OPCML: variants seen among roughly 807,000 people sequenced by gnomAD.
OPCML encodes opioid binding protein/cell adhesion molecule like.
Under a neutral mutation model 37.8 loss-of-function variants are expected in OPCML, and 13 were observed. The ratio of observed to expected loss-of-function variants is 0.34; its 90% confidence interval spans 0.22 to 0.55. The LOEUF (loss-of-function observed/expected upper bound fraction) is 0.55. OPCML is among the 20% of genes least tolerant of loss of function. OPCML has a pLI of 0.91. For missense variants in OPCML, 341 were observed against 435.6 expected (o/e 0.78, Z 1.93); for synonymous variants, 176 against 168.8 (o/e 1.04, Z -0.33).
chr11:133,169,711 CA>C (rs1298004061), intron 1 of OPCML, among the ~76,000 whole-genome samples: 3 of 152,092 alleles, frequency 2.0e-5, no homozygotes, highest in Non-Finnish European at 4.4e-5. Flanking sequence ...AGTGGAGCAA[CA>C]AATTATCCCC....
chr11:133,331,296 T>C (rs990851996), intron 1 of OPCML, among the ~76,000 whole-genome samples: 2 of 152,178 alleles, frequency 1.3e-5, no homozygotes, highest in Middle Eastern at 3.2e-3. Flanking sequence ...ACTTGACCCA[T>C]GTCTTAGATC....
chr11:132,643,561 G>C (rs529501292), intron 3 of OPCML, among the ~76,000 whole-genome samples: 2 of 152,090 alleles, frequency 1.3e-5, no homozygotes, highest in Non-Finnish European at 2.9e-5. Flanking sequence ...CTTGACTCTC[G>C]ACCTTCCTCT....
intron 4 of OPCML, among the ~76,000 whole-genome samples, chr11:132,444,725 C>A (rs2096048831): frequency 6.6e-6 from 1 of 152,088 alleles, no homozygotes; most frequent in South Asian, 2.1e-4. Flanking sequence ...CTGTCCCCAA[C>A]TCCGTCCCCC....
chr11:132,711,413 C>A (rs1301427926), intron 2 of OPCML, among the ~76,000 whole-genome samples: 1 of 152,134 alleles, frequency 6.6e-6, no homozygotes, highest in East Asian at 1.9e-4. Context: ...GGGATTGAAT[C>A]CTGTGTTTAA....
At chr11:133,215,357 A>G (rs1294726798) in intron 1 of OPCML, among the ~76,000 whole-genome samples, 1 of 152,174 alleles carries the variant, frequency 6.6e-6, no homozygotes, top group Non-Finnish European at 1.5e-5. Context: ...AAGGCTTTAC[A>G]GCTGCTGCTT....
intron 3 of OPCML, among the ~76,000 whole-genome samples, chr11:132,537,384 G>A (rs567411015): frequency 6.6e-6 from 1 of 152,168 alleles, no homozygotes; most frequent in Non-Finnish European, 1.5e-5. Context: ...CTATCCCCTT[G>A]CAAGACAGTG....
intron 2 of OPCML, among the ~76,000 whole-genome samples, chr11:132,835,968 C>G (rs574463235): frequency 6.6e-6 from 1 of 152,118 alleles, no homozygotes; most frequent in Non-Finnish European, 1.5e-5. Flanking sequence ...TTCATGTTCT[C>G]TATCCTTTGG....
In OPCML at chr11:132,943,247, C is replaced by A; in HGVS notation, c.62-237G>T. ...GGAGAAGAGAGGAGTCCGGGCTCTC[C>A]GGAGTCTGAGAATTCTTCCTCAGAT... On this transcript the variant is annotated intron_variant, in intron 1 of 7. Coordinates refer to ENST00000524381, the MANE Select transcript of OPCML (RefSeq NM_001012393.5). This position sits in a 1 kb window ranked among gnomAD's most constrained non-coding sequence, Gnocchi z 4.3. 8.8e-7 allele frequency: 1 copy of A among 1,136,924 alleles called. No individual in the cohort carries two copies. 70.4% of individuals were successfully genotyped at this position (1,136,924 alleles called of 1,614,324 possible). A position where few individuals can be genotyped will look rare whatever the true frequency, so the allele number is the denominator to read the frequency against.
intron 1 of OPCML, among the ~76,000 whole-genome samples, chr11:133,019,644 A>G (rs1281830872): frequency 6.6e-6 from 1 of 152,160 alleles, no homozygotes; most frequent in African/African-American, 2.4e-5. Context: ...CCTAGACTAC[A>G]ACATCTATCT....
At chr11:133,520,800 G>A (rs926687640) in intron 1 of OPCML, among the ~76,000 whole-genome samples, 3 of 152,084 alleles carry the variant, frequency 2.0e-5, no homozygotes, top group Non-Finnish European at 2.9e-5. Flanking sequence ...TTCTGAACCC[G>A]TTTCAGGTCT....
intron 2 of OPCML, among the ~76,000 whole-genome samples, chr11:132,724,545 CT>C (rs764264933): frequency 9.9e-5 from 15 of 152,088 alleles, no homozygotes; most frequent in Non-Finnish European, 1.6e-4. Flanking sequence ...TATTCCACCC[CT>C]GTCCTCCCCC....
intron 2 of OPCML, among the ~76,000 whole-genome samples, chr11:132,858,841 A>G (rs1037482188): frequency 1.3e-5 from 2 of 152,204 alleles, no homozygotes; most frequent in Non-Finnish European, 2.9e-5. Flanking sequence ...TGATTATTTC[A>G]TAAACTAACA....
At chr11:132,938,571 A>G (rs1290147943) in intron 2 of OPCML, among the ~76,000 whole-genome samples, 1 of 152,206 alleles carries the variant, frequency 6.6e-6, no homozygotes, top group African/African-American at 2.4e-5. Flanking sequence ...AGAACAACCC[A>G]TATACTTCCT....
intron 1 of OPCML, among the ~76,000 whole-genome samples, chr11:132,962,678 G>T (rs774290908): frequency 1.1e-4 from 16 of 152,134 alleles, no homozygotes; most frequent in Admixed American, 2.6e-4. Flanking sequence ...CCCCAGCCTT[G>T]GCTCTACTCT....
intron 1 of OPCML, among the ~76,000 whole-genome samples, chr11:132,993,655 G>C (rs564104388): frequency 3.0e-4 from 45 of 152,232 alleles, no homozygotes; most frequent in Non-Finnish European, 5.6e-4. Flanking sequence ...CGAGCCTAGA[G>C]TCTGGAAATA....
chr11:133,110,742 C>T (rs1949237829), intron 1 of OPCML, among the ~76,000 whole-genome samples: 1 of 152,192 alleles, frequency 6.6e-6, no homozygotes, highest in Non-Finnish European at 1.5e-5. Flanking sequence ...TTCCTACCCC[C>T]AAACTTCCCT....
At chr11:133,264,249 C>A (rs907533081) in intron 1 of OPCML, among the ~76,000 whole-genome samples, 1 of 152,214 alleles carries the variant, frequency 6.6e-6, no homozygotes, top group South Asian at 2.1e-4. Context: ...ACTGATGCTG[C>A]GGAAAAATGA....
intron 1 of OPCML, among the ~76,000 whole-genome samples, chr11:133,194,430 G>A (rs1321074174): frequency 1.3e-5 from 2 of 151,904 alleles, no homozygotes; most frequent in Non-Finnish European, 2.9e-5. Context: ...GACTGGTCTC[G>A]AATTCCTGAC....
At chr11:132,975,308 C>G (rs552104977) in intron 1 of OPCML, among the ~76,000 whole-genome samples, 2 of 151,568 alleles carry the variant, frequency 1.3e-5, no homozygotes, top group Admixed American at 1.3e-4. Context: ...AGTTGTATGG[C>G]TATGGAAGTC....
Sources: gnomAD v4.1 joint callset for allele counts (sites outside exome capture counted in the v4.1 genomes callset) on GRCh38, gnomAD v4.1.1 for gene constraint, Gnocchi (gnomAD v3.1) non-coding constraint, MANE v1.5 for transcripts, NCBI Gene and HGNC (gene_info 2026-07-23, HGNC 2026-07-21) for gene names.